Variants in HAUS3 observed in about 807,000 individuals in gnomAD.
HAUS3 encodes the protein HAUS augmin like complex subunit 3.
HAUS3 carries 36 observed loss-of-function variants against 55.2 expected under a neutral mutation model. The observed-to-expected ratio is 0.65, with a 90% CI of 0.50 to 0.86. HAUS3 has a LOEUF of 0.86. Ranked by LOEUF, HAUS3 falls within the 40% of genes least tolerant of loss-of-function variation. The pLI, the probability that HAUS3 is intolerant of heterozygous loss-of-function variation, is 0.00. For synonymous variants in HAUS3, 234 were observed against 238.6 expected (o/e 0.98, Z 0.18); for missense variants, 752 against 671.5 (o/e 1.12, Z -1.33).
rs1424226585 is a variant in HAUS3, at chr4:2,240,758, A to G, written c.189T>C (p.Ile63=). 6.2e-7 allele frequency: 1 copy of G among 1,613,994 alleles called. No homozygotes were observed. Among genetic ancestry groups the G allele is most frequent in the Middle Eastern group, 1.6e-4 (1 of 6,062 alleles). The part of the protein sequence containing the change: ...LSERELEAFS[I]LQKSGKPILE... Reference sequence around the variant, plus strand: ...GAATAGGCTTGCCTGATTTCTGAAGAATGCTAAAAGCTTCCAATTCTCTTT... The same window carrying G: ...GAATAGGCTTGCCTGATTTCTGAAGGATGCTAAAAGCTTCCAATTCTCTTT... Residue 63 remains isoleucine (I), a synonymous_variant, in exon 3 of 6, where the codon ATT becomes ATC. Transcript: ENST00000443786.
At position 2,238,748 on chromosome 4, in the gene HAUS3, T is replaced by C. The variant is rs143360308; in HGVS notation, c.1205A>G (p.Tyr402Cys). 4,026 of 1,613,830 alleles carry C rather than the reference T, an allele frequency of 2.5e-3. 36 individuals are homozygous for C. The highest frequency in any genetic ancestry group is 3.1e-3 in the Middle Eastern group (19 of 6,058). ...TTGAACCAAATTTTCAAGTTGACGA[T>C]ATATGTCCCGATGCTTTCTTAATTC... Reference protein sequence around the residue: ...EIELRKHRDIYRQLENLVQEL... With the variant: ...EIELRKHRDICRQLENLVQEL... The change falls in exon 4 of 6, where the codon TAT becomes TGT. Residue 402 changes from tyrosine (Y) to cysteine (C), a missense_variant. Coordinates refer to ENST00000443786, the MANE Select transcript of HAUS3 (RefSeq NM_001303143.2).
intron 5 of HAUS3, among the ~76,000 whole-genome samples, chr4:2,233,169 C>T (rs1734644363): frequency 6.6e-6 from 1 of 152,170 alleles, no homozygotes; most frequent in African/African-American, 2.4e-5. Flanking sequence ...ATTATATCTA[C>T]ATTTAGTGAT....
intron 5 of HAUS3, among the ~76,000 whole-genome samples, chr4:2,235,883 T>C (rs996405666): frequency 2.6e-5 from 4 of 152,172 alleles, no homozygotes; most frequent in East Asian, 1.9e-4. Context: ...TACCATTAAG[T>C]GTACACAGAG....
intron 5 of HAUS3, among the ~76,000 whole-genome samples, chr4:2,234,047 G>T (rs1734672139): frequency 6.6e-6 from 1 of 151,588 alleles, no homozygotes; most frequent in Non-Finnish European, 1.5e-5. Context: ...TTGTTCAAGA[G>T]CAAACAAAAG....
intron 5 of HAUS3, among the ~76,000 whole-genome samples, chr4:2,235,084 C>T (rs1396471260): frequency 6.6e-6 from 1 of 152,190 alleles, no homozygotes; most frequent in South Asian, 2.1e-4. Flanking sequence ...TGGGGTTTCA[C>T]CACCTTGGCC....
At position 2,239,956 on chromosome 4, in the gene HAUS3, T is replaced by C. The variant is rs535305504; in HGVS notation, c.909+82A>G. ...TAATCTCTTCTCAGATGCACCATTC[T>C]AAAGTACTTTAACAGCAATATTATC... On this transcript the variant is annotated intron_variant, in intron 3 of 5. Transcript: ENST00000443786. 2.3e-4 allele frequency: 245 copies of C among 1,062,338 alleles called. 1 individual carries two copies. The South Asian group carries it at 3.2e-3, about 14-fold the overall frequency. 65.8% of individuals were successfully genotyped at this position (1,062,338 alleles called of 1,614,324 possible).
At chr4:2,236,154 A>T (rs1734755822) in intron 5 of HAUS3, 74 bp downstream of exon 5, 1 of 836,374 alleles carries the variant, frequency 1.2e-6, no homozygotes, top group Non-Finnish European at 1.9e-6. Context: ...TCCTCATGTT[A>T]ACATTTTCTT....
rs754605480 is a variant in HAUS3 at position 2,232,069 on chromosome 4, C to CT, written c.1669dup (p.Arg557LysfsTer7). ...TAATTTATTATTTGCCAAAGTTTTT[C>CT]TTTTTGTCTTCACATCAGCAAGAAT... is the stretch of plus-strand genomic sequence containing the variant. On this transcript the variant is annotated frameshift_variant, in exon 6 of 6. Transcript: ENST00000443786. LOFTEE classifies it high-confidence loss of function. 3 of 1,596,706 alleles carry CT rather than the reference C, an allele frequency of 1.9e-6. No individual in the cohort carries two copies. The highest frequency in any genetic ancestry group is 2.6e-6 in the Non-Finnish European group (3 of 1,168,696).
rs1044518490 is a variant in HAUS3 at position 2,230,865 on chromosome 4, C to T, written c.*1062G>A. On this transcript the variant is annotated 3_prime_UTR_variant, in exon 6 of 6. Transcript: ENST00000443786. ...GCTACTTCAAATTATTTTAGAGCAA[C>T]GCTTAAAATATTTTCTGGCTGCCCA... 6.6e-5 allele frequency: 10 copies of T among 152,056 alleles called. No individual in the cohort carries two copies. Among genetic ancestry groups the T allele is most frequent in the East Asian group, 1.9e-4 (1 of 5,198 alleles). 9.4% of individuals were successfully genotyped at this position (152,056 alleles called of 1,614,324 possible).
chr4:2,228,809 C>G lies in HAUS3; in HGVS notation c.*3118G>C, dbSNP rs1420102295. ...ATGTACAGGTTTGATGACCTGAGAA[C>G]CAAGATTAAAGCATCTCTTTTGAAA... On this transcript the variant is annotated 3_prime_UTR_variant, in exon 6 of 6. Transcript: ENST00000443786. The G allele has an allele frequency of 7.0e-6, 2 of 287,162 alleles. No individual in the cohort carries two copies. Among genetic ancestry groups the G allele is most frequent in the African/African-American group, 4.4e-5 (2 of 45,074 alleles). 17.8% of individuals were successfully genotyped at this position (287,162 alleles called of 1,614,324 possible).
chr4:2,241,835 G>A (rs1009792761), intron 1 of HAUS3, 45 bp from the exon 2 acceptor site: 22 of 985,364 alleles, frequency 2.2e-5, no homozygotes, highest in Non-Finnish European at 2.7e-5. Context: ...CGTCGACACC[G>A]AGCTGCAGAA....
chr4:2,232,513 T>C (rs1003138942), intron 5 of HAUS3, among the ~76,000 whole-genome samples: 7 of 152,216 alleles, frequency 4.6e-5, no homozygotes, highest in African/African-American at 1.7e-4. Context: ...TGATGGAGCT[T>C]ATATTCTGCT....
chr4:2,236,410 G>A lies in HAUS3; in HGVS notation c.1396C>T (p.Leu466=), dbSNP rs748539093. Residue 466 remains leucine, a synonymous_variant, in exon 5 of 6, where the codon CTA becomes TTA. Transcript: ENST00000443786. ...EGENKKKELF[L]THGNLEEVAE... ...ACTTCCTCAAGGTTTCCATGAGTTA[G>A]AAACAATTCTTTTTTCTTATTCTCT... 63 of 1,613,458 alleles carry A rather than the reference G, an allele frequency of 3.9e-5. No individual in the cohort carries two copies. The highest frequency in any genetic ancestry group is 5.1e-5 in the Non-Finnish European group (60 of 1,179,688).
intron 5 of HAUS3, among the ~76,000 whole-genome samples, chr4:2,233,504 T>C (rs563439139): frequency 6.6e-6 from 1 of 152,306 alleles, no homozygotes; most frequent in East Asian, 1.9e-4. Context: ...CATATGATTG[T>C]TTCTGGCCAG....
Position 2,240,164 on chromosome 4 carries a change from C to T in HAUS3, c.783G>A (p.Glu261=). ...NQEILEERRL[E]MARLQLAYIC... is the part of the protein sequence containing the mutation. Reference sequence around the variant, plus strand: ...TGTATGCGAGCTGCAGTCTAGCCATCTCTAGTCGTCTCTCCTCAAGGATTT... The same window carrying T: ...TGTATGCGAGCTGCAGTCTAGCCATTTCTAGTCGTCTCTCCTCAAGGATTT... Residue 261 remains glutamate, a synonymous_variant, in exon 3 of 6, where the codon GAG becomes GAA. Transcript: ENST00000443786. The T allele has an allele frequency of 6.2e-7, 1 of 1,614,042 alleles. No individual in the cohort carries two copies. Among genetic ancestry groups the T allele is most frequent in the Admixed American group, 1.7e-5 (1 of 60,026 alleles).
intron 3 of HAUS3, among the ~76,000 whole-genome samples, chr4:2,239,264 T>C (rs1259251199): frequency 6.6e-6 from 1 of 152,222 alleles, no homozygotes; most frequent in Non-Finnish European, 1.5e-5. Context: ...ACCATATATA[T>C]AGTAACGGCT....
At chr4:2,236,120 G>A in intron 5 of HAUS3, 108 bp downstream of exon 5, 2 of 627,110 alleles carry the variant, frequency 3.2e-6, no homozygotes, top group Non-Finnish European at 5.5e-6. Context: ...TTTATATTAA[G>A]GCAATGAAAT....
rs953354493 is a variant in HAUS3 at position 2,229,496 on chromosome 4, C to T, written c.*2431G>A. The stretch of plus-strand genomic sequence containing the variant: ...AGGTGACCAATTTAGAAGCAATCTA[C>T]TCAAATACATCCTGAGGTTTGAAAA... On this transcript the variant is annotated 3_prime_UTR_variant, in exon 6 of 6. Transcript: ENST00000443786. 2.1e-5 allele frequency: 6 copies of T among 292,184 alleles called. No individual in the cohort carries two copies. Among genetic ancestry groups the T allele is most frequent in the Non-Finnish European group, 3.8e-5 (6 of 158,696 alleles). 18.1% of individuals were successfully genotyped at this position (292,184 alleles called of 1,614,324 possible). A position where few individuals can be genotyped will look rare whatever the true frequency, so the allele number is the denominator to read the frequency against.
intron 5 of HAUS3, among the ~76,000 whole-genome samples, chr4:2,232,746 T>C (rs1331014447): frequency 6.6e-6 from 1 of 152,230 alleles, no homozygotes; most frequent in Admixed American, 6.5e-5. Flanking sequence ...CGACCCTTCA[T>C]ATTTATTACA....
Sources: gnomAD v4.1 joint callset for allele counts (sites outside exome capture counted in the v4.1 genomes callset) on GRCh38, gnomAD v4.1.1 for gene constraint, MANE v1.5 for transcripts, NCBI Gene and HGNC (gene_info 2026-07-23, HGNC 2026-07-21) for gene names.